The following NR2F1-AS1 variants were observed in gnomAD, a reference collection of about 807,000 sequenced individuals.
NR2F1-AS1 encodes NR2F1 antisense RNA 1.
At chr5:93,507,890 A>C (rs1751219908) in intron 4 of NR2F1-AS1, among the ~76,000 whole-genome samples, 2 of 152,122 alleles carry the variant, frequency 1.3e-5, no homozygotes, top group South Asian at 4.1e-4. Flanking sequence ...ACAAAATCAT[A>C]ATGTACCTAG....
intron 4 of NR2F1-AS1, among the ~76,000 whole-genome samples, chr5:93,538,191 G>C (rs1751876824): frequency 6.6e-6 from 1 of 152,144 alleles, no homozygotes; most frequent in Admixed American, 6.6e-5. Flanking sequence ...AAAAAGTCAT[G>C]GCTGGGCACA....
At chr5:93,515,565 C>T (rs1561478219) in intron 4 of NR2F1-AS1, among the ~76,000 whole-genome samples, 1 of 151,868 alleles carries the variant, frequency 6.6e-6, no homozygotes, top group Non-Finnish European at 1.5e-5. Flanking sequence ...TAAGCAAGGA[C>T]AGAAACCATG....
intron 4 of NR2F1-AS1, among the ~76,000 whole-genome samples, chr5:93,448,530 T>C (rs913072287): frequency 3.3e-5 from 5 of 152,182 alleles, no homozygotes; most frequent in Non-Finnish European, 7.3e-5. Context: ...TGCAAAACAA[T>C]ATGCAAAATC....
At chr5:93,535,295 T>TA (rs529640368) in intron 4 of NR2F1-AS1, among the ~76,000 whole-genome samples, 1 of 150,588 alleles carries the variant, frequency 6.6e-6, no homozygotes, top group Non-Finnish European at 1.5e-5. Context: ...AAGAAAAAAA[T>TA]AAAAAACAAT....
At chr5:93,496,744 T>C (rs189979696) in intron 4 of NR2F1-AS1, among the ~76,000 whole-genome samples, 2 of 152,332 alleles carry the variant, frequency 1.3e-5, no homozygotes, top group Admixed American at 6.5e-5. Flanking sequence ...CTCTTGTTAA[T>C]TGATATTCAT....
chr5:93,544,479 A>T (rs1030132959), intron 4 of NR2F1-AS1, among the ~76,000 whole-genome samples: 1 of 152,214 alleles, frequency 6.6e-6, no homozygotes, highest in Admixed American at 6.5e-5. Flanking sequence ...TTGACTTTAC[A>T]CAGCCTGCTA....
At chr5:93,470,885 A>G (rs560467510) in intron 4 of NR2F1-AS1, among the ~76,000 whole-genome samples, 22 of 151,982 alleles carry the variant, frequency 1.4e-4, no homozygotes, top group Admixed American at 1.2e-3. Flanking sequence ...TTAATTGCTC[A>G]TTAGAAAAAT....
At chr5:93,505,023 A>G (rs1751157184) in intron 4 of NR2F1-AS1, among the ~76,000 whole-genome samples, 1 of 152,230 alleles carries the variant, frequency 6.6e-6, no homozygotes, top group Non-Finnish European at 1.5e-5. Context: ...CCTTCCGCCT[A>G]TAAGCCTGTA....
intron 4 of NR2F1-AS1, among the ~76,000 whole-genome samples, chr5:93,415,519 C>A (rs1402083800): frequency 6.6e-6 from 1 of 152,162 alleles, no homozygotes; most frequent in Non-Finnish European, 1.5e-5. Flanking sequence ...CTTTCTGACC[C>A]AAATCATAGA....
chr5:93,468,413 T>A (rs1034796412), intron 4 of NR2F1-AS1, among the ~76,000 whole-genome samples: 3 of 152,356 alleles, frequency 2.0e-5, no homozygotes, highest in Admixed American at 2.0e-4. Flanking sequence ...ATCATGAGCA[T>A]TTTTTGATGT....
intron 4 of NR2F1-AS1, among the ~76,000 whole-genome samples, chr5:93,524,827 A>C (rs553989194): frequency 2.2e-4 from 33 of 152,316 alleles, no homozygotes; most frequent in African/African-American, 7.9e-4. Flanking sequence ...TGTCACCACC[A>C]GGCCGGCCTT....
chr5:93,535,164 T>C (rs1434044317), intron 4 of NR2F1-AS1, among the ~76,000 whole-genome samples: 1 of 145,226 alleles, frequency 6.9e-6, no homozygotes, highest in Non-Finnish European at 1.5e-5. Context: ...AAAAAAAAAA[T>C]GGAAGGAATA....
At chr5:93,515,488 G>A (rs1253858194) in intron 4 of NR2F1-AS1, among the ~76,000 whole-genome samples, 3 of 151,684 alleles carry the variant, frequency 2.0e-5, no homozygotes, top group African/African-American at 2.4e-5. Flanking sequence ...TAGTGTTTAT[G>A]GCTGTTTTAA....
intron 4 of NR2F1-AS1, among the ~76,000 whole-genome samples, chr5:93,494,233 A>T (rs889396915): frequency 6.6e-6 from 1 of 152,230 alleles, no homozygotes; most frequent in Non-Finnish European, 1.5e-5. Flanking sequence ...ATAGATCTCT[A>T]GTAAGCACAT....
At chr5:93,488,014 G>T (rs1281363855) in intron 4 of NR2F1-AS1, among the ~76,000 whole-genome samples, 1 of 152,110 alleles carries the variant, frequency 6.6e-6, no homozygotes, top group African/African-American at 2.4e-5. Flanking sequence ...TTTAATAAAT[G>T]GTATTGGGAA....
chr5:93,425,155 C>G (rs978145487), intron 4 of NR2F1-AS1, among the ~76,000 whole-genome samples: 12 of 152,290 alleles, frequency 7.9e-5, no homozygotes, highest in African/African-American at 2.9e-4. Flanking sequence ...AGCTGACACC[C>G]CAGAGAGATC....
intron 4 of NR2F1-AS1, among the ~76,000 whole-genome samples, chr5:93,454,706 G>A (rs1488334468): frequency 6.6e-6 from 1 of 152,152 alleles, no homozygotes; most frequent in Admixed American, 6.5e-5. Flanking sequence ...CCGGGGATGG[G>A]GAAAGGGGTT....
chr5:93,450,151 G>T (rs1749796758), intron 4 of NR2F1-AS1, among the ~76,000 whole-genome samples: 1 of 152,128 alleles, frequency 6.6e-6, no homozygotes, highest in Non-Finnish European at 1.5e-5. Flanking sequence ...TCTTCATAAG[G>T]ATCATGCACT....
rs569043627 is a variant in NR2F1-AS1, at chr5:93,446,952, A to G, written n.639-51410T>C. On this transcript the variant is annotated intron_variant and non_coding_transcript_variant, in intron 4 of 5. Coordinates refer to ENST00000660523, the Ensembl canonical transcript of NR2F1-AS1. ...AACCTGACAAAAACAAGAAATAGGG[A>G]AAGGATTCCCTATTTAATAAATGGT... Among the ~76,000 whole-genome samples, 20 of 152,308 alleles carry G rather than the reference A, an allele frequency of 1.3e-4. No homozygotes were observed. In the East Asian group the frequency reaches 3.7e-3, roughly 28 times the overall value.
Sources: allele counts gnomAD v4.1 joint callset (sites outside exome capture counted in the v4.1 genomes callset), GRCh38; gene constraint gnomAD v4.1.1; transcripts MANE v1.5; gene names NCBI Gene and HGNC (gene_info 2026-07-23, HGNC 2026-07-21).